The following CDH12 variants were observed in gnomAD, a reference collection of about 807,000 sequenced individuals.
CDH12 encodes the protein cadherin 12.
A neutral mutation model predicts 74.1 loss-of-function variants in CDH12; 41 were observed. That is an observed-to-expected ratio of 0.55 (90% CI 0.43 to 0.72). The LOEUF (loss-of-function observed/expected upper bound fraction) is 0.72. Ranked by LOEUF, CDH12 falls within the 30% of genes least tolerant of loss-of-function variation. CDH12 has a pLI of 0.00. For missense variants in CDH12, 945 were observed against 977.2 expected (o/e 0.97, Z 0.44); for synonymous variants, 399 against 355.0 (o/e 1.12, Z -1.39).
At chr5:22,594,215 T>C (rs1736484070) in intron 1 of CDH12, among the ~76,000 whole-genome samples, 1 of 152,170 alleles carries the variant, frequency 6.6e-6, no homozygotes, top group South Asian at 2.1e-4. Context: ...GCCCTTCACA[T>C]ACTCCCCGCT....
chr5:22,353,054 C>T (rs1740420487), intron 3 of CDH12, among the ~76,000 whole-genome samples: 3 of 152,236 alleles, frequency 2.0e-5, no homozygotes, highest in South Asian at 4.1e-4. Context: ...TGACATGATT[C>T]TGGATTACCA....
At chr5:22,839,081 T>C (rs545218247) in intron 1 of CDH12, among the ~76,000 whole-genome samples, 4 of 152,322 alleles carry the variant, frequency 2.6e-5, no homozygotes, top group Admixed American at 2.0e-4. Flanking sequence ...GTCTACTCAA[T>C]ATATTTGAAA....
At chr5:22,024,642 A>G (rs1186812055) in intron 5 of CDH12, among the ~76,000 whole-genome samples, 1 of 152,106 alleles carries the variant, frequency 6.6e-6, no homozygotes, top group East Asian at 1.9e-4. Context: ...CCTCCCAGGT[A>G]GCTGGGATTA....
intron 1 of CDH12, among the ~76,000 whole-genome samples, chr5:22,609,804 T>C (rs1737304918): frequency 6.6e-6 from 1 of 152,252 alleles, no homozygotes; most frequent in Admixed American, 6.5e-5. Flanking sequence ...TGCTGTCTGT[T>C]TGTATTTTTG....
In CDH12 at chr5:22,428,220, CACACACACACA is replaced by C. The variant is rs1303081865; in HGVS notation, c.-427-22880_-427-22870del. On this transcript the variant is annotated intron_variant, in intron 2 of 14. Transcript: ENST00000382254. ...GTATATATATATACACACACACACA[CACACACACACA>C]ATCTATGTGCATATATTTGTGAGCA... is the stretch of plus-strand genomic sequence containing the variant. Among the ~76,000 whole-genome samples the C allele has an allele frequency of 3.9e-3, 595 of 151,930 alleles. 7 individuals carry two copies. The highest frequency in any genetic ancestry group is 0.014 in the African/African-American group (565 of 41,400).
chr5:22,783,540 C>A (rs982457328), intron 1 of CDH12, among the ~76,000 whole-genome samples: 1 of 152,106 alleles, frequency 6.6e-6, no homozygotes, highest in Non-Finnish European at 1.5e-5. Flanking sequence ...ATACAACTGG[C>A]AACTCACAAC....
At chr5:22,180,969 T>C (rs896184359) in intron 4 of CDH12, among the ~76,000 whole-genome samples, 3 of 152,164 alleles carry the variant, frequency 2.0e-5, no homozygotes, top group Admixed American at 6.6e-5. Flanking sequence ...CTCTTTGATG[T>C]ATTTGACATT....
intron 6 of CDH12, among the ~76,000 whole-genome samples, chr5:21,920,667 T>TTAATAATAATAATAATA (rs1554044298): frequency 6.9e-6 from 1 of 145,476 alleles, no homozygotes; most frequent in Non-Finnish European, 1.5e-5. Flanking sequence ...GAACTTAAAG[T>TTAATAATAATAATAATA]ATGATAATAA....
At chr5:22,357,661 A>T (rs1278477047) in intron 3 of CDH12, among the ~76,000 whole-genome samples, 2 of 152,122 alleles carry the variant, frequency 1.3e-5, no homozygotes, top group Non-Finnish European at 2.9e-5. Context: ...CCCAAGGGGG[A>T]TATATAAGTC....
chr5:21,940,347 A>T (rs1264199164), intron 6 of CDH12, among the ~76,000 whole-genome samples: 1 of 152,200 alleles, frequency 6.6e-6, no homozygotes, highest in Non-Finnish European at 1.5e-5. Flanking sequence ...AGGGTGGGTG[A>T]GTCTACTTTT....
At chr5:22,135,954 G>T (rs1746435702) in intron 4 of CDH12, among the ~76,000 whole-genome samples, 1 of 151,806 alleles carries the variant, frequency 6.6e-6, no homozygotes, top group South Asian at 2.1e-4. Flanking sequence ...TGACGAGAAT[G>T]CCCCAATTCA....
intron 1 of CDH12, among the ~76,000 whole-genome samples, chr5:22,721,802 T>G (rs138652039): frequency 6.6e-5 from 10 of 152,290 alleles, no homozygotes; most frequent in African/African-American, 2.4e-4. Context: ...TGAGTTTTCA[T>G]GATATCTGTT....
intron 8 of CDH12, among the ~76,000 whole-genome samples, chr5:21,834,804 T>C (rs909403881): frequency 6.6e-5 from 10 of 152,002 alleles, no homozygotes; most frequent in Non-Finnish European, 1.2e-4. Context: ...GCTGATCAAA[T>C]TGGCCCACAC....
At chr5:21,979,695 T>C (rs889506361) in intron 5 of CDH12, among the ~76,000 whole-genome samples, 6 of 152,136 alleles carry the variant, frequency 3.9e-5, no homozygotes, top group African/African-American at 1.2e-4. Context: ...GCCTGGGGTA[T>C]GTTGGGAGAA....
chr5:22,199,352 A>G (rs1426216623), intron 4 of CDH12, among the ~76,000 whole-genome samples: 1 of 152,200 alleles, frequency 6.6e-6, no homozygotes, highest in Non-Finnish European at 1.5e-5. Context: ...ACTAGAAAAG[A>G]CCAGGAGAGG....
chr5:21,826,029 C>G (rs1257904285), intron 8 of CDH12, among the ~76,000 whole-genome samples: 2 of 152,168 alleles, frequency 1.3e-5, no homozygotes, highest in African/African-American at 2.4e-5. Context: ...TAAATTCCCT[C>G]CTGTTCTACT....
intron 3 of CDH12, among the ~76,000 whole-genome samples, chr5:22,341,368 T>A (rs1040475069): frequency 3.3e-5 from 5 of 152,116 alleles, no homozygotes; most frequent in African/African-American, 1.2e-4. Context: ...CAGGCTATGT[T>A]TGACTTGAGC....
chr5:22,093,096 T>A (rs1743532529), intron 4 of CDH12, among the ~76,000 whole-genome samples: 1 of 152,128 alleles, frequency 6.6e-6, no homozygotes, highest in African/African-American at 2.4e-5. Flanking sequence ...ACACAAATGA[T>A]GTTATTAAGC....
At chr5:22,095,865 G>A (rs141072385) in intron 4 of CDH12, among the ~76,000 whole-genome samples, 2,110 of 142,402 alleles carry the variant, frequency 0.015, 46 homozygotes, top group African/African-American at 0.052. Flanking sequence ...CCTTATTTCC[G>A]TGCCCCGACC....
Sources: gnomAD v4.1 joint callset for allele counts (sites outside exome capture counted in the v4.1 genomes callset) on GRCh38, gnomAD v4.1.1 for gene constraint, MANE v1.5 for transcripts, NCBI Gene and HGNC (gene_info 2026-07-23, HGNC 2026-07-21) for gene names.